The following ENDOV variants were observed in gnomAD, a reference collection of about 807,000 sequenced individuals.
ENDOV encodes the protein hEndoV.
Under a neutral mutation model 39.4 loss-of-function variants are expected in ENDOV, and 37 were observed. The ratio of observed to expected loss-of-function variants is 0.94; its 90% CI spans 0.72 to 1.23. The LOEUF is 1.23. Ranked by LOEUF, ENDOV falls within the 50% of genes most tolerant of loss-of-function variation. The pLI is 0.00. For synonymous variants in ENDOV, 186 were observed against 163.4 expected, an observed-to-expected ratio of 1.14 and a Z score of -1.05; for missense variants, 441 against 375.7, an observed-to-expected ratio of 1.17 and a Z score of -1.44.
rs531457202 is a variant in ENDOV, at chr17:80,430,532, G to A, written c.838+701G>A. ...TCCTAGCTGGGGTAGCTGGGCTTTA[G>A]CACCTGCTCACTGCCTGCCATGACC... is the stretch of plus-strand genomic sequence containing the variant. On this transcript the variant is annotated intron_variant, in intron 9 of 9. Coordinates refer to ENST00000518137, the MANE Select transcript of ENDOV (RefSeq NM_173627.5). 5.3e-5 allele frequency among the ~76,000 whole-genome samples: 8 copies of A among 152,296 alleles called. No homozygotes were observed. The South Asian group carries it at 1.4e-3, about 28-fold the overall frequency.
Position 80,422,204 on chromosome 17 carries a change from AG to A in ENDOV, c.364del. 1 of 1,613,522 alleles carries A rather than the reference AG, an allele frequency of 6.2e-7. No individual in the cohort carries two copies. The highest frequency in any genetic ancestry group is 8.5e-7 in the Non-Finnish European group (1 of 1,179,746). On this transcript the variant is annotated splice_acceptor_variant, in intron 3 of 9. Transcript: ENST00000518137. LOFTEE classifies it high-confidence loss of function. The stretch of plus-strand genomic sequence containing the variant: ...ACTGTGACTCTCCCTGTGGCTCCAT[AG>A]GTCCTTCTTGTGGATGGAAACGGGG...
chr17:80,420,861 AAC>A (rs2081913445), intron 2 of ENDOV, among the ~76,000 whole-genome samples: 1 of 152,126 alleles, frequency 6.6e-6, no homozygotes, highest in Non-Finnish European at 1.5e-5. Flanking sequence ...ATTTTTAGTA[AAC>A]ACGGGGTTTC....
chr17:80,429,176 G>A (rs955113005), intron 8 of ENDOV, among the ~76,000 whole-genome samples: 5 of 152,212 alleles, frequency 3.3e-5, no homozygotes, highest in African/African-American at 1.2e-4. Flanking sequence ...AACAGTGCAA[G>A]GCATTGTCTT....
At chr17:80,422,658 CT>C (rs979495658) in intron 4 of ENDOV, among the ~76,000 whole-genome samples, 1 of 152,244 alleles carries the variant, frequency 6.6e-6, no homozygotes, top group Admixed American at 6.5e-5. Context: ...CAGGCCCCCA[CT>C]GATGCCAGGA....
At chr17:80,433,474 G>A (rs566138676) in intron 9 of ENDOV, among the ~76,000 whole-genome samples, 9 of 152,342 alleles carry the variant, frequency 5.9e-5, no homozygotes, top group African/African-American at 1.4e-4. Flanking sequence ...AGCTCCTCAC[G>A]CCATCCCAAG....
intron 5 of ENDOV, chr17:80,424,040 C>A (rs1327355196): frequency 5.3e-6 from 2 of 380,062 alleles, no homozygotes; most frequent in Admixed American, 4.4e-5. Context: ...TCCAGGCCCC[C>A]CTCCCGCCAA....
rs369659154 is a variant in ENDOV, at chr17:80,425,448, C to T, written c.586-44C>T. 2.1e-4 allele frequency: 322 copies of T among 1,564,064 alleles called. No homozygotes were observed. The African/African-American group carries it at 2.2e-3, about 11-fold the overall frequency. ...GCTGAGGCTGTCCTGACCCTGGTCC[C>T]GGTGGCCCAGCCCACAGGACAGCCC... On this transcript the variant is annotated intron_variant, in intron 6 of 9. Transcript: ENST00000518137.
intron 4 of ENDOV, 76 bp from the exon 5 acceptor site, chr17:80,423,444 A>G: frequency 7.1e-7 from 1 of 1,399,572 alleles, no homozygotes; most frequent in South Asian, 1.3e-5. Flanking sequence ...GCTTTTGGTA[A>G]GACTGGCTTG....
intron 7 of ENDOV, chr17:80,427,916 G>A: frequency 8.3e-7 from 1 of 1,204,842 alleles, no homozygotes. Flanking sequence ...GGAGCAGGCT[G>A]GGGGATTAGC....
At chr17:80,423,312 T>TTCC (rs1194376914) in intron 4 of ENDOV, among the ~76,000 whole-genome samples, 2 of 152,248 alleles carry the variant, frequency 1.3e-5, no homozygotes, top group Non-Finnish European at 2.9e-5. Context: ...AGAAGGAGGC[T>TTCC]TCCTCCACGG....
At chr17:80,435,115 T>C (rs545575330) in intron 9 of ENDOV, among the ~76,000 whole-genome samples, 45 of 94,298 alleles carry the variant, frequency 4.8e-4, no homozygotes, top group South Asian at 3.6e-3. Flanking sequence ...GTTGCAGAAG[T>C]TCTTTATATG....
chr17:80,428,776 C>A, intron 8 of ENDOV, 116 bp downstream of exon 8: 1 of 1,012,490 alleles, frequency 9.9e-7, no homozygotes, highest in Non-Finnish European at 1.5e-6. Context: ...ACAGACAGTG[C>A]AGGGCCAGGG....
chr17:80,434,264 C>T (rs921925350), intron 9 of ENDOV, among the ~76,000 whole-genome samples: 10 of 152,214 alleles, frequency 6.6e-5, no homozygotes, highest in Non-Finnish European at 1.3e-4. Flanking sequence ...GCACCTGTGT[C>T]GTGCCAGGTG....
At chr17:80,428,519 A>G in intron 7 of ENDOV, 77 bp from the exon 8 acceptor site, 3 of 1,422,814 alleles carry the variant, frequency 2.1e-6, no homozygotes, top group Admixed American at 2.0e-5. Context: ...GGATGGAGGC[A>G]TTGCCAGCAG....
intron 9 of ENDOV, among the ~76,000 whole-genome samples, chr17:80,433,587 A>G (rs2083450163): frequency 6.6e-6 from 1 of 152,200 alleles, no homozygotes; most frequent in Non-Finnish European, 1.5e-5. Flanking sequence ...CCAACAGGGG[A>G]GCTTCCCAGG....
chr17:80,430,388 T>C, intron 9 of ENDOV: 1 of 1,509,330 alleles, frequency 6.6e-7, no homozygotes, highest in South Asian at 1.2e-5. Flanking sequence ...TGTTTGTTTG[T>C]TTATTTATTT....
rs2144970675 is a variant in ENDOV at position 80,423,604 on chromosome 17, T to G, written c.488T>G (p.Leu163Arg). ...AAGAAACTTCTGCAGGTGGATGGGCTGGAGAACAACGCCCTGCACAAGGAG... is the reference window on the plus strand; with the variant it reads ...AAGAAACTTCTGCAGGTGGATGGGCGGGAGAACAACGCCCTGCACAAGGAG... ...VAKKLLQVDG[L>R]ENNALHKEKI... Residue 163 changes from leucine (L) to arginine (R), a missense_variant, in exon 5 of 10, where the codon CTG becomes CGG. Coordinates refer to ENST00000518137, the MANE Select transcript of ENDOV (RefSeq NM_173627.5). 6.4e-7 allele frequency: 1 copy of G among 1,553,972 alleles called. No individual in the cohort carries two copies. Among genetic ancestry groups the G allele is most frequent in the Non-Finnish European group, 8.7e-7 (1 of 1,149,374 alleles).
chr17:80,425,768 T>A (rs2082622115), intron 7 of ENDOV, 148 bp downstream of exon 7: 1 of 1,292,536 alleles, frequency 7.7e-7, no homozygotes, highest in Admixed American at 2.5e-5. Context: ...CACAGACATC[T>A]TGCTGGAGAG....
intron 2 of ENDOV, among the ~76,000 whole-genome samples, chr17:80,421,295 G>C (rs953852762): frequency 1.1e-5 from 1 of 90,554 alleles, no homozygotes; most frequent in Non-Finnish European, 2.6e-5. Flanking sequence ...GGGTCCCGGG[G>C]AATCCTCATA....
Sources: gnomAD v4.1 joint callset for allele counts (sites outside exome capture counted in the v4.1 genomes callset) on GRCh38, gnomAD v4.1.1 for gene constraint, MANE v1.5 for transcripts, NCBI Gene and HGNC (gene_info 2026-07-23, HGNC 2026-07-21) for gene names.